NIBAN2: variants seen among roughly 807,000 people sequenced by gnomAD.
NIBAN2 encodes niban apoptosis regulator 2.
In NIBAN2, 36 loss-of-function variants were observed where a neutral mutation model predicts 81.8. That is an observed-to-expected ratio of 0.44 (90% CI 0.34 to 0.58). The LOEUF (loss-of-function observed/expected upper bound fraction) is 0.58. Ranked by LOEUF, NIBAN2 falls within the 20% of genes least tolerant of loss-of-function variation. The probability of loss-of-function intolerance (pLI) is 0.02; values close to 1 mark genes in which losing one functional copy is unlikely to be tolerated. For synonymous variants in NIBAN2, 445 were observed against 441.6 expected, an observed-to-expected ratio of 1.01 and a Z score of -0.10; for missense variants, 897 against 1,014.1, an observed-to-expected ratio of 0.88 and a Z score of 1.57.
At chr9:127,528,766 C>A (rs1360462645) in intron 2 of NIBAN2, among the ~76,000 whole-genome samples, 2 of 152,276 alleles carry the variant, frequency 1.3e-5, no homozygotes, top group Non-Finnish European at 2.9e-5. Flanking sequence ...AAACTGCCCA[C>A]ACCCAGCTCA....
Position 127,508,854 on chromosome 9 carries a change from G to A in NIBAN2, c.1317+122C>T, listed in dbSNP as rs1162608545. 29 of 1,109,842 alleles carry A rather than the reference G, an allele frequency of 2.6e-5. No homozygotes were observed. In the Admixed American group the frequency reaches 3.0e-4, roughly 11 times the overall value. 68.7% of individuals were successfully genotyped at this position (1,109,842 alleles called of 1,614,324 possible). A position where few individuals can be genotyped will look rare whatever the true frequency, so the allele number is the denominator to read the frequency against. ...CAGATGTTCCAAGCAGAGGAGGAGA[G>A]AGCGTGCCAGGCAAGCGTGGCTATG... On this transcript the variant is annotated intron_variant, in intron 10 of 13. Coordinates refer to ENST00000373312, the MANE Select transcript of NIBAN2 (RefSeq NM_022833.4). The surrounding 1 kb of genome is among the most constrained non-coding windows in gnomAD (Gnocchi z 6.4).
rs551400167 is a variant in NIBAN2 at position 127,545,916 on chromosome 9, C to T, written c.56-14138G>A. 6.6e-6 allele frequency among the ~76,000 whole-genome samples: 1 copy of T among 152,286 alleles called. No homozygotes were observed. Among genetic ancestry groups the T allele is most frequent in the African/African-American group, 2.4e-5 (1 of 41,568 alleles). On this transcript the variant is annotated intron_variant, in intron 1 of 13. Transcript: ENST00000373312. The surrounding 1 kb of genome is among the most constrained non-coding windows in gnomAD (Gnocchi z 4.7). ...CCTGGCAGCGGCCCCAGCCCACAGC[C>T]CACAGTGGCAGCTTGTTCTGGGAGC...
chr9:127,527,259 T>G lies in NIBAN2; in HGVS notation c.250A>C (p.Lys84Gln). 1 of 1,613,912 alleles carries G rather than the reference T, an allele frequency of 6.2e-7. No individual in the cohort carries two copies. Among genetic ancestry groups the G allele is most frequent in the Non-Finnish European group, 8.5e-7 (1 of 1,179,974 alleles). The change falls in exon 3 of 14, where the codon AAG (lysine) becomes CAG (glutamine). Residue 84 changes from lysine (K) to glutamine (Q), a missense_variant. Lys to Gln is a moderately conservative substitution (Grantham distance 53). Transcript: ENST00000373312. ...NLFQHQEDSKKWRNRFSLVPH... is the reference protein window; with the variant it reads ...NLFQHQEDSKQWRNRFSLVPH... ...ACGAGGCTGAAGCGGTTTCTCCACT[T>G]CTTGCTGTCCTCCTGGTGCTGGAAG...
chr9:127,565,946 T>TCTCTCACACA (rs751937125), intron 1 of NIBAN2, among the ~76,000 whole-genome samples: 15 of 130,616 alleles, frequency 1.1e-4, no homozygotes, highest in Non-Finnish European at 1.7e-4. Flanking sequence ...TCTCTCTCTC[T>TCTCTCACACA]CACACACACA....
chr9:127,523,876 C>A, intron 4 of NIBAN2, 30 bp from the exon 5 acceptor site: 1 of 1,591,530 alleles, frequency 6.3e-7, no homozygotes, highest in Non-Finnish European at 8.6e-7. Context: ...TGAGCAGCTG[C>A]CCTCTGTGGT....
intron 2 of NIBAN2, among the ~76,000 whole-genome samples, chr9:127,527,565 G>A (rs1398977730): frequency 6.6e-6 from 1 of 152,216 alleles, no homozygotes; most frequent in African/African-American, 2.4e-5. Context: ...GGGTGGTGAT[G>A]CCAGGACTTG....
At chr9:127,523,184 AAAAAAAAAATATATATATATATAT>A in intron 5 of NIBAN2, among the ~76,000 whole-genome samples, 3 of 35,816 alleles carry the variant, frequency 8.4e-5, no homozygotes, top group African/African-American at 3.9e-4. Context: ...AAAAAAAAAA[AAAAAAAAAATATATATATATATAT>A]ATATATATAT....
rs189735177 is a variant in NIBAN2, at chr9:127,519,654, T to C, written c.590-1713A>G. ...CAGGGGGAGGCCCAGCCCTCATCCCTACAGCGCAGCTGCCTGGATGGGGAC... is the reference window on the plus strand; with the variant it reads ...CAGGGGGAGGCCCAGCCCTCATCCCCACAGCGCAGCTGCCTGGATGGGGAC... On this transcript the variant is annotated intron_variant, in intron 5 of 13. Coordinates refer to ENST00000373312, the MANE Select transcript of NIBAN2 (RefSeq NM_022833.4). Among the ~76,000 whole-genome samples, 1,111 of 152,320 alleles carry C rather than the reference T, an allele frequency of 7.3e-3. 13 individuals carry two copies. The highest frequency in any genetic ancestry group is 0.025 in the African/African-American group (1,033 of 41,574).
intron 2 of NIBAN2, among the ~76,000 whole-genome samples, chr9:127,528,596 C>T (rs1256640864): frequency 2.0e-5 from 3 of 152,140 alleles, no homozygotes; most frequent in Non-Finnish European, 4.4e-5. Context: ...ACAAAACACT[C>T]CTGGAGAAGG....
intron 1 of NIBAN2, among the ~76,000 whole-genome samples, chr9:127,537,049 C>T (rs1470870866): frequency 6.6e-6 from 1 of 152,242 alleles, no homozygotes; most frequent in African/African-American, 2.4e-5. Flanking sequence ...TTCTGCCTCC[C>T]TGCATTGACT....
chr9:127,524,243 A>AG (rs1302795949), intron 4 of NIBAN2, among the ~76,000 whole-genome samples: 1 of 152,152 alleles, frequency 6.6e-6, no homozygotes, highest in Admixed American at 6.6e-5. Flanking sequence ...AAGTGTCCAC[A>AG]GGGGGAGGGA....
intron 5 of NIBAN2, among the ~76,000 whole-genome samples, chr9:127,520,609 T>C (rs1049111782): frequency 3.9e-5 from 6 of 152,156 alleles, no homozygotes; most frequent in Non-Finnish European, 8.8e-5. Flanking sequence ...ATACAACTAG[T>C]GCCCTTAAAA....
chr9:127,525,247 G>A, intron 3 of NIBAN2, 84 bp from the exon 4 acceptor site: 1 of 911,142 alleles, frequency 1.1e-6, no homozygotes, highest in Non-Finnish European at 1.8e-6. Context: ...CCTACTCAGT[G>A]TGGCCCAAAG....
Position 127,517,897 on chromosome 9 carries a change from C to T in NIBAN2, c.634G>A (p.Ala212Thr), listed in dbSNP as rs1836864408. 1 of 1,613,102 alleles carries T rather than the reference C, an allele frequency of 6.2e-7. No individual in the cohort carries two copies. Among genetic ancestry groups the T allele is most frequent in the East Asian group, 2.2e-5 (1 of 44,860 alleles). The change falls in exon 6 of 14, where the codon GCC becomes ACC. Residue 212 changes from alanine (A) to threonine (T), a missense_variant. Transcript: ENST00000373312. The surrounding 1 kb of genome is among the most constrained non-coding windows in gnomAD (Gnocchi z 4.0). ...TTGGACTGTCGGTACATGCGGATGGCATCTGTGAACGCAGGGCCCTCTACC... is the reference window on the plus strand; with the variant it reads ...TTGGACTGTCGGTACATGCGGATGGTATCTGTGAACGCAGGGCCCTCTACC... ...SKVEGPAFTD[A>T]IRMYRQSKEL... is the part of the protein sequence containing the mutation.
At chr9:127,569,624 G>GC (rs1233789684), upstream of NIBAN2, among the ~76,000 whole-genome samples, 12 of 151,408 alleles carry the variant, frequency 7.9e-5, no homozygotes, top group East Asian at 3.9e-4. Context: ...AGTGCCCCCT[G>GC]CCCCCCCAAG....
intron 1 of NIBAN2, among the ~76,000 whole-genome samples, chr9:127,558,296 C>G (rs1333250797): frequency 1.3e-5 from 2 of 152,128 alleles, no homozygotes; most frequent in Admixed American, 6.5e-5. Context: ...TCATTCCTTC[C>G]CTCACCATCC....
intron 1 of NIBAN2, among the ~76,000 whole-genome samples, chr9:127,555,256 C>A (rs956513002): frequency 6.6e-6 from 1 of 152,122 alleles, no homozygotes; most frequent in Non-Finnish European, 1.5e-5. Flanking sequence ...GGGCTTTGGG[C>A]CACCTTTCTG....
Position 127,536,564 on chromosome 9 carries a change from C to A in NIBAN2, c.56-4786G>T, listed in dbSNP as rs1232768047. On this transcript the variant is annotated intron_variant, in intron 1 of 13. Coordinates refer to ENST00000373312, the MANE Select transcript of NIBAN2 (RefSeq NM_022833.4). The surrounding 1 kb of genome is among the most constrained non-coding windows in gnomAD (Gnocchi z 4.0). ...CTGTGGGGGTCCTGAGCCCGGGCAC[C>A]CCTCTTTCCTCCATACTTGCCCACA... 6.6e-6 allele frequency among the ~76,000 whole-genome samples: 1 copy of A among 152,216 alleles called. No individual in the cohort carries two copies. The highest frequency in any genetic ancestry group is 1.5e-5 in the Non-Finnish European group (1 of 68,040).
intron 1 of NIBAN2, among the ~76,000 whole-genome samples, chr9:127,539,386 G>C (rs1320287378): frequency 1.3e-5 from 2 of 152,124 alleles, no homozygotes; most frequent in African/African-American, 2.4e-5. Context: ...GCAACACAAG[G>C]CTTTACTATC....
Sources: allele counts gnomAD v4.1 joint callset (sites outside exome capture counted in the v4.1 genomes callset), GRCh38; gene constraint gnomAD v4.1.1; non-coding constraint Gnocchi (gnomAD v3.1); transcripts MANE v1.5; gene names NCBI Gene and HGNC (gene_info 2026-07-23, HGNC 2026-07-21).